S100A10: variants seen among roughly 807,000 people sequenced by gnomAD.
S100A10 encodes S100 calcium binding protein A10, also known as protein S100-A10.
S100A10 carries 3 observed loss-of-function variants against 7.1 expected under a neutral mutation model. The ratio of observed to expected loss-of-function variants is 0.42; its 90% CI spans 0.19 to 1.10. S100A10 has a LOEUF of 1.10. Among genes scored for constraint, S100A10 ranks in the 50% least tolerant of loss-of-function variants. The pLI, the probability that S100A10 is intolerant of heterozygous loss-of-function variation, is 0.29. For synonymous variants in S100A10, 41 were observed against 39.3 expected, an observed-to-expected ratio of 1.04 and a Z score of -0.16; for missense variants, 101 against 118.1, an observed-to-expected ratio of 0.86 and a Z score of 0.67.
At position 151,987,025 on chromosome 1, in the gene S100A10, CTCTTTTT is replaced by C. The variant is rs1345049962; in HGVS notation, c.-21-781_-21-775del. The stretch of plus-strand genomic sequence containing the variant: ...ATTTAGAAAAGCAACATCAGTGTTC[CTCTTTTT>C]TTTTTTTTTTTTTTTTTTTTTGAGA... On this transcript the variant is annotated intron_variant, in intron 1 of 2. Transcript: ENST00000368811. Among the ~76,000 whole-genome samples the C allele has an allele frequency of 8.7e-3, 845 of 97,066 alleles. 11 individuals carry two copies. Among genetic ancestry groups the C allele is most frequent in the African/African-American group, 0.029 (817 of 27,844 alleles). 63.7% of individuals were successfully genotyped at this position (97,066 alleles called of 152,430 possible).
At chr1:151,989,831 C>G (rs901112476) in intron 1 of S100A10, among the ~76,000 whole-genome samples, 1 of 152,204 alleles carries the variant, frequency 6.6e-6, no homozygotes, top group African/African-American at 2.4e-5. Context: ...TATTCCTGGA[C>G]AGATGTGGGC....
Position 151,986,175 on chromosome 1 carries a change from A to G in S100A10, c.56T>C (p.Phe19Ser). The change falls in exon 2 of 3, where the codon TTC becomes TCC. Residue 19 changes from phenylalanine (F) to serine (S), a missense_variant. Physicochemically the swap from Phe to Ser is radical, Grantham distance 155. Coordinates refer to ENST00000368811, the MANE Select transcript of S100A10 (RefSeq NM_002966.3). ...TGTTAAGTAGCCTTTATCCCCAGCG[A>G]ATTTGTGAAATGTAAACATCATGGT... The part of the protein sequence containing the change: ...METMMFTFHK[F>S]AGDKGYLTKE... 6.2e-7 allele frequency: 1 copy of G among 1,610,538 alleles called. No individual in the cohort carries two copies. The highest frequency in any genetic ancestry group is 2.3e-5 in the East Asian group (1 of 44,442).
intron 1 of S100A10, among the ~76,000 whole-genome samples, chr1:151,990,002 T>C (rs1412462169): frequency 6.6e-6 from 1 of 152,044 alleles, no homozygotes; most frequent in Non-Finnish European, 1.5e-5. Context: ...CTTCTCTTGA[T>C]TAAGAACTAC....
chr1:151,984,956 T>C (rs533024635), intron 2 of S100A10, among the ~76,000 whole-genome samples: 3 of 152,334 alleles, frequency 2.0e-5, no homozygotes, highest in African/African-American at 7.2e-5. Flanking sequence ...GACCTGCATA[T>C]TCTAACTCAT....
rs139239178 is a variant in S100A10 at position 151,986,571 on chromosome 1, C to G, written c.-21-320G>C. Among the ~76,000 whole-genome samples the G allele has an allele frequency of 1.8e-3, 268 of 152,294 alleles. 6 individuals are homozygous for G. In the East Asian group the frequency reaches 0.027, roughly 15 times the overall value. On this transcript the variant is annotated intron_variant, in intron 1 of 2. Coordinates refer to ENST00000368811, the MANE Select transcript of S100A10 (RefSeq NM_002966.3). ...ACTTATTCCTCCTAACTGAAATTTT[C>G]AATCTTTTGACCAATAGCTCCTCAA...
At chr1:151,992,744 G>C (rs868166151) in intron 1 of S100A10, among the ~76,000 whole-genome samples, 1 of 152,196 alleles carries the variant, frequency 6.6e-6, no homozygotes, top group Non-Finnish European at 1.5e-5. Flanking sequence ...GGCAGAAAAC[G>C]GGGTGGGCTT....
chr1:151,989,012 G>T lies in S100A10; in HGVS notation c.-21-2761C>A, dbSNP rs1412832852. Among the ~76,000 whole-genome samples, 35 of 152,298 alleles carry T rather than the reference G, an allele frequency of 2.3e-4. 1 individual carries two copies. The highest frequency in any genetic ancestry group is 8.2e-4 in the African/African-American group (34 of 41,570). ...ATCCCAGAAATTGGAACTGGGTGGG[G>T]TACCTAGTTTACTTTTTTCAGATGA... On this transcript the variant is annotated intron_variant, in intron 1 of 2. Transcript: ENST00000368811.
At chr1:151,989,357 G>C (rs1655858772) in intron 1 of S100A10, among the ~76,000 whole-genome samples, 1 of 152,098 alleles carries the variant, frequency 6.6e-6, no homozygotes, top group Non-Finnish European at 1.5e-5. Context: ...TTTATTCAGT[G>C]GATGGATTGT....
At chr1:151,987,027 C>CTTTTTTTTT (rs386368314) in intron 1 of S100A10, among the ~76,000 whole-genome samples, 1 of 83,546 alleles carries the variant, frequency 1.2e-5, no homozygotes, top group Non-Finnish European at 2.1e-5. Flanking sequence ...CAGTGTTCCT[C>CTTTTTTTTT]TTTTTTTTTT....
At position 151,986,178 on chromosome 1, in the gene S100A10, T is replaced by C. The variant is rs146701614; in HGVS notation, c.53A>G (p.Lys18Arg). The change falls in exon 2 of 3, where the codon AAA (lysine) becomes AGA (arginine). Residue 18 changes from lysine to arginine, a missense_variant. Physicochemically the swap from Lys to Arg is conservative, Grantham distance 26. Coordinates refer to ENST00000368811, the MANE Select transcript of S100A10 (RefSeq NM_002966.3). ...TAAGTAGCCTTTATCCCCAGCGAAT[T>C]TGTGAAATGTAAACATCATGGTTTC... ...AMETMMFTFH[K>R]FAGDKGYLTK... 454 of 1,610,536 alleles carry C rather than the reference T, an allele frequency of 2.8e-4. No homozygotes were observed. Among genetic ancestry groups the C allele is most frequent in the Middle Eastern group, 1.3e-3 (8 of 6,050 alleles).
At chr1:151,987,134 A>G (rs1042835581) in intron 1 of S100A10, among the ~76,000 whole-genome samples, 4 of 135,492 alleles carry the variant, frequency 3.0e-5, no homozygotes, top group Admixed American at 2.7e-4. Context: ...CCTCCCAGGT[A>G]GCTGGGATTA....
intron 2 of S100A10, among the ~76,000 whole-genome samples, 154 bp from the exon 3 acceptor site, chr1:151,983,478 AT>A (rs200402860): frequency 0.012 from 1,629 of 137,646 alleles, 7 homozygotes; most frequent in African/African-American, 0.023. Flanking sequence ...ATCTAAATGT[AT>A]TTTTTTTTTT....
chr1:151,989,121 G>A (rs1655854803), intron 1 of S100A10, among the ~76,000 whole-genome samples: 1 of 152,180 alleles, frequency 6.6e-6, no homozygotes, highest in African/African-American at 2.4e-5. Flanking sequence ...AATTTTAGGA[G>A]GTTCTAAGAA....
At chr1:151,987,538 C>CTTTTTTT (rs11383937) in intron 1 of S100A10, among the ~76,000 whole-genome samples, 3 of 116,320 alleles carry the variant, frequency 2.6e-5, no homozygotes, top group Non-Finnish European at 3.4e-5. Context: ...TATATGTATT[C>CTTTTTTT]TTTTTTTTTT....
chr1:151,987,745 G>C (rs1201966512), intron 1 of S100A10, among the ~76,000 whole-genome samples: 1 of 151,226 alleles, frequency 6.6e-6, no homozygotes, highest in Non-Finnish European at 1.5e-5. Context: ...TTTCACCGTG[G>C]TCTCGATCTC....
intron 1 of S100A10, among the ~76,000 whole-genome samples, chr1:151,991,740 A>C (rs1401326276): frequency 1.3e-5 from 2 of 152,182 alleles, no homozygotes; most frequent in Admixed American, 1.3e-4. Context: ...GCTTTAAAAG[A>C]CTGGACTGTG....
In S100A10 at chr1:151,983,175, C is replaced by T; in HGVS notation, c.282G>A (p.Lys94=). 1 of 1,578,814 alleles carries T rather than the reference C, an allele frequency of 6.3e-7. No homozygotes were observed. Residue 94 remains lysine, a synonymous_variant, in exon 3 of 3, where the codon AAG becomes AAA. Coordinates refer to ENST00000368811, the MANE Select transcript of S100A10 (RefSeq NM_002966.3). The stretch of plus-strand genomic sequence containing the variant: ...TGCTCATTTCTGCCTACTTCTTTCC[C>T]TTCTGCTTCATGTGTACTACAAAAT... ...NDYFVVHMKQ[K]GKK
At chr1:151,991,584 T>C (rs1251813372) in intron 1 of S100A10, among the ~76,000 whole-genome samples, 1 of 152,212 alleles carries the variant, frequency 6.6e-6, no homozygotes, top group Non-Finnish European at 1.5e-5. Flanking sequence ...TCTTTTTGCT[T>C]TTGATGTGGA....
chr1:151,991,460 C>A (rs1282503361), intron 1 of S100A10, among the ~76,000 whole-genome samples: 1 of 152,212 alleles, frequency 6.6e-6, no homozygotes, highest in Non-Finnish European at 1.5e-5. Context: ...GCCTAATCAG[C>A]CAACATAGCT....
Sources: allele counts gnomAD v4.1 joint callset (sites outside exome capture counted in the v4.1 genomes callset), GRCh38; gene constraint gnomAD v4.1.1; transcripts MANE v1.5; gene names NCBI Gene and HGNC (gene_info 2026-07-23, HGNC 2026-07-21).